CELF1: variants seen among roughly 807,000 people sequenced by gnomAD.
CELF1 encodes 50 kDa nuclear polyadenylated RNA-binding protein.
Under a neutral mutation model 61.8 loss-of-function variants are expected in CELF1, and 10 were observed. The observed-to-expected ratio is 0.16, with a 90% confidence interval of 0.10 to 0.27. The LOEUF (loss-of-function observed/expected upper bound fraction) is 0.27, where lower values mean the gene tolerates loss of function less well. Ranked by LOEUF, CELF1 falls within the 10% of genes least tolerant of loss-of-function variation. The pLI, the probability that CELF1 is intolerant of heterozygous loss-of-function variation, is 1.00. For missense variants in CELF1, 380 were observed against 639.1 expected (o/e 0.59, Z 4.37); for synonymous variants, 236 against 225.1 (o/e 1.05, Z -0.43).
chr11:47,493,814 A>T (rs2092470986), intron 3 of CELF1, among the ~76,000 whole-genome samples: 1 of 152,188 alleles, frequency 6.6e-6, no homozygotes, highest in Non-Finnish European at 1.5e-5. Flanking sequence ...GTGTGTATGT[A>T]ATAAGCAGTC....
chr11:47,499,368 TA>T (rs2093613894), intron 3 of CELF1, 84 bp downstream of exon 3: 20 of 1,110,876 alleles, frequency 1.8e-5, no homozygotes, highest in Non-Finnish European at 2.6e-5. Flanking sequence ...TTCCCCTTCT[TA>T]AAAAAAGGAA....
intron 1 of CELF1, among the ~76,000 whole-genome samples, chr11:47,533,667 G>A (rs2153697405): frequency 1.4e-5 from 1 of 72,026 alleles, no homozygotes; most frequent in East Asian, 4.5e-4. Context: ...TAAATTAGCT[G>A]AGCATGGTGG....
intron 1 of CELF1, among the ~76,000 whole-genome samples, chr11:47,538,164 C>T (rs1188833464): frequency 4.6e-5 from 7 of 152,192 alleles, no homozygotes; most frequent in Admixed American, 3.9e-4. Context: ...CCTCTTGCCT[C>T]AGCCTCCTAA....
intron 1 of CELF1, among the ~76,000 whole-genome samples, chr11:47,550,053 G>A (rs2097098188): frequency 6.6e-6 from 1 of 151,866 alleles, no homozygotes; most frequent in Non-Finnish European, 1.5e-5. Flanking sequence ...CTGACCTCGT[G>A]ATCCGCCCAC....
chr11:47,514,116 G>A (rs572868741), intron 1 of CELF1: 2 of 152,086 alleles, frequency 1.3e-5, no homozygotes, highest in African/African-American at 4.8e-5. Context: ...TTTTAGTACA[G>A]ACAGGGTTTC....
intron 1 of CELF1, among the ~76,000 whole-genome samples, chr11:47,527,202 A>C (rs982274209): frequency 6.6e-6 from 1 of 151,932 alleles, no homozygotes; most frequent in Non-Finnish European, 1.5e-5. Context: ...CTTAACACTA[A>C]ACATAAGGAG....
chr11:47,500,903 G>A lies in CELF1; in HGVS notation c.-124C>T, dbSNP rs150427291. 2.5e-6 allele frequency: 1 copy of A among 397,358 alleles called. No homozygotes were observed. The highest frequency in any genetic ancestry group is 4.4e-6 in the Non-Finnish European group (1 of 225,828). The allele number at this position is 397,358 out of a possible 1,614,324, so 24.6% of individuals were successfully genotyped here. ...ACCCAAGCTCAGTTCACAACACAGG[G>A]AACTTTGAAAAAAAGAAGTTATGTT... On this transcript the variant is annotated 5_prime_UTR_variant, in exon 2 of 15. Transcript: ENST00000687097.
chr11:47,507,593 C>G (rs146872528), intron 1 of CELF1, among the ~76,000 whole-genome samples: 42 of 152,224 alleles, frequency 2.8e-4, no homozygotes, highest in African/African-American at 8.9e-4. Context: ...TAAAACTGCC[C>G]AAATTCCTAC....
intron 1 of CELF1, among the ~76,000 whole-genome samples, chr11:47,504,008 T>C (rs559591203): frequency 6.6e-6 from 1 of 151,846 alleles, no homozygotes; most frequent in South Asian, 2.1e-4. Context: ...GACCTATCTC[T>C]ACAAAAAAAT....
intron 9 of CELF1, chr11:47,482,344 G>A (rs2153436654): frequency 5.7e-6 from 1 of 175,488 alleles, no homozygotes; most frequent in East Asian, 1.5e-4. Context: ...TCTACATCTG[G>A]TAGAAAGAGA....
chr11:47,472,041 T>A lies in CELF1; in HGVS notation c.*189A>T. ...CACTGGAAACCAAAGCACAAACTTGTCCTCTGTACGAAGCGAAACTCCCAC... is the reference window on the plus strand; with the variant it reads ...CACTGGAAACCAAAGCACAAACTTGACCTCTGTACGAAGCGAAACTCCCAC... On this transcript the variant is annotated 3_prime_UTR_variant, in exon 15 of 15. Transcript: ENST00000687097. 3 of 606,680 alleles carry A rather than the reference T, an allele frequency of 4.9e-6. No homozygotes were observed. 37.6% of individuals were successfully genotyped at this position (606,680 alleles called of 1,614,324 possible).
intron 1 of CELF1, among the ~76,000 whole-genome samples, chr11:47,534,022 CTT>C (rs71042679): frequency 5.0e-4 from 44 of 87,614 alleles, no homozygotes; most frequent in African/African-American, 9.1e-4. Flanking sequence ...TTTTTCTTTC[CTT>C]TTTTTTTTTT....
intron 3 of CELF1, chr11:47,494,491 G>C: frequency 3.1e-6 from 3 of 982,606 alleles, no homozygotes; most frequent in Non-Finnish European, 3.6e-6. Flanking sequence ...ACACACGAGG[G>C]AACAAAAAAG....
chr11:47,523,407 A>G (rs1316860013), intron 1 of CELF1: 6 of 152,304 alleles, frequency 3.9e-5, no homozygotes, highest in African/African-American at 1.4e-4. Context: ...GATGAAGCAG[A>G]TATAATGCCA....
chr11:47,546,253 T>TTGGGGG (rs2096944135), intron 1 of CELF1, among the ~76,000 whole-genome samples: 1 of 23,562 alleles, frequency 4.2e-5, no homozygotes, highest in Non-Finnish European at 9.3e-5. Context: ...TTTTTTTTTT[T>TTGGGGG]GGGCGGGGGC....
At chr11:47,544,212 A>G (rs2096877317) in intron 1 of CELF1, among the ~76,000 whole-genome samples, 1 of 152,228 alleles carries the variant, frequency 6.6e-6, no homozygotes, top group Admixed American at 6.5e-5. Flanking sequence ...TCATCTATGT[A>G]TGGCACTCCT....
intron 4 of CELF1, 106 bp downstream of exon 4, chr11:47,488,731 T>G: frequency 1.2e-6 from 1 of 808,368 alleles, no homozygotes; most frequent in Non-Finnish European, 1.8e-6. Flanking sequence ...TGAAAGAAAT[T>G]ACATATAAAA....
chr11:47,544,811 A>G (rs1487657873), intron 1 of CELF1, among the ~76,000 whole-genome samples: 2 of 151,888 alleles, frequency 1.3e-5, no homozygotes, highest in Non-Finnish European at 2.9e-5. Context: ...AAAAATACAA[A>G]ATTAGCCAGG....
chr11:47,480,094 T>C (rs968965538), intron 9 of CELF1, among the ~76,000 whole-genome samples: 1 of 151,560 alleles, frequency 6.6e-6, no homozygotes, highest in African/African-American at 2.4e-5. Flanking sequence ...CTACACTTTT[T>C]TTTTTTTTTT....
Sources: allele counts gnomAD v4.1 joint callset (sites outside exome capture counted in the v4.1 genomes callset), GRCh38; gene constraint gnomAD v4.1.1; transcripts MANE v1.5; gene names NCBI Gene and HGNC (gene_info 2026-07-23, HGNC 2026-07-21).